The following ZP3 variants were observed in gnomAD, a reference collection of about 807,000 sequenced individuals.
ZP3 encodes the protein zona pellucida sperm-binding protein 3.
Under a neutral mutation model 35.6 loss-of-function variants are expected in ZP3, and 21 were observed. The observed-to-expected ratio is 0.59, with a 90% CI of 0.42 to 0.85. The LOEUF (loss-of-function observed/expected upper bound fraction) is 0.85. Among genes scored for constraint, ZP3 ranks in the 40% least tolerant of loss-of-function variants. The pLI is 0.00. For missense variants in ZP3, 437 were observed against 536.5 expected (o/e 0.81, Z 1.83); for synonymous variants, 207 against 214.5 (o/e 0.96, Z 0.31).
intron 3 of ZP3, 79 bp downstream of exon 3, chr7:76,433,109 T>TTTTA (rs1805879760): frequency 7.9e-7 from 1 of 1,258,012 alleles, no homozygotes; most frequent in Non-Finnish European, 1.1e-6. Context: ...TGTGTCTTTT[T>TTTTA]TTTGTTTGTT....
intron 1 of ZP3, among the ~76,000 whole-genome samples, chr7:76,398,364 C>T (rs541161159): frequency 9.1e-4 from 133 of 146,786 alleles, no homozygotes; most frequent in Non-Finnish European, 1.5e-3. Flanking sequence ...GGCTAGAGTA[C>T]AGTGGCATGA....
chr7:76,400,180 T>A (rs1178478726), intron 1 of ZP3: 1 of 1,257,540 alleles, frequency 8.0e-7, no homozygotes, highest in Non-Finnish European at 1.0e-6. Flanking sequence ...TGGCCTGATC[T>A]GCATGGAACA....
chr7:76,423,051 G>GAAAC (rs1213240924), upstream of ZP3, among the ~76,000 whole-genome samples: 5 of 145,064 alleles, frequency 3.4e-5, no homozygotes, highest in Middle Eastern at 3.6e-3. Flanking sequence ...AAGAAAGAAA[G>GAAAC]AAAGAAAGAA....
intron 1 of ZP3, chr7:76,401,072 C>T: frequency 6.5e-7 from 1 of 1,527,272 alleles, no homozygotes; most frequent in Non-Finnish European, 8.8e-7. Context: ...GAGCATTGGC[C>T]CCTCTGCCCA....
At chr7:76,402,100 C>T (rs986606570) in intron 1 of ZP3, among the ~76,000 whole-genome samples, 1 of 151,798 alleles carries the variant, frequency 6.6e-6, no homozygotes, top group Non-Finnish European at 1.5e-5. Flanking sequence ...GCTCACTGCA[C>T]CCTCCAATAC....
At chr7:76,418,993 C>T (rs1263841067) in intron 1 of ZP3, among the ~76,000 whole-genome samples, 2 of 152,036 alleles carry the variant, frequency 1.3e-5, no homozygotes, top group East Asian at 3.9e-4. Flanking sequence ...GGTTTGGTTC[C>T]TCATTGGCTG....
chr7:76,441,171 C>CAA (rs568113718), intron 7 of ZP3, among the ~76,000 whole-genome samples: 1 of 147,946 alleles, frequency 6.8e-6, no homozygotes, highest in Non-Finnish European at 1.5e-5. Context: ...AACTGTCTCT[C>CAA]AAAAAAAAAA....
chr7:76,419,783 C>T (rs1198291890), intron 1 of ZP3, among the ~76,000 whole-genome samples: 2 of 144,860 alleles, frequency 1.4e-5, no homozygotes, highest in Non-Finnish European at 3.0e-5. Flanking sequence ...CCTCCTCCTC[C>T]TCCTCCTCCC....
At position 76,412,962 on chromosome 7, in the gene ZP3, C is replaced by CTTTTTTT. The variant is rs201143080; in HGVS notation, c.-66-12088_-66-12087insTTTTTTT. On this transcript the variant is annotated intron_variant, in intron 1 of 8. Coordinates refer to the ZP3 transcript ENST00000336517. Reference sequence around the variant, plus strand: ...CTTTCTTCTTTGTCTTCTTCTTCTTCTTCTTTTTTTTTTTTTTTGAGACGG... The same window carrying CTTTTTTT: ...CTTTCTTCTTTGTCTTCTTCTTCTTCTTTTTTTTTCTTTTTTTTTTTTTTTGAGACGG... 1.4e-3 allele frequency among the ~76,000 whole-genome samples: 158 copies of CTTTTTTT among 113,710 alleles called. 4 individuals carry two copies. The highest frequency in any genetic ancestry group is 1.9e-3 in the Non-Finnish European group (114 of 58,478). The allele number at this position is 113,710 out of a possible 152,430, so 74.6% of individuals were successfully genotyped here. A position where few individuals can be genotyped will look rare whatever the true frequency, so the allele number is the denominator to read the frequency against.
At chr7:76,429,713 T>C in intron 2 of ZP3, 80 bp downstream of exon 2, 5 of 1,194,884 alleles carry the variant, frequency 4.2e-6, no homozygotes, top group Non-Finnish European at 6.2e-6. Flanking sequence ...GGCTATGGGC[T>C]ACAGCTTGCA....
chr7:76,400,697 G>C (rs994870662), intron 1 of ZP3: 1 of 1,253,372 alleles, frequency 8.0e-7, no homozygotes, highest in East Asian at 2.7e-5. Context: ...TGGTAGAGAC[G>C]GGGTCTCACT....
chr7:76,421,656 G>A (rs749538433), upstream of ZP3, among the ~76,000 whole-genome samples: 13 of 150,756 alleles, frequency 8.6e-5, no homozygotes, highest in East Asian at 5.8e-4. Context: ...GTGCAGTGGC[G>A]CAATCTCGGC....
At chr7:76,414,005 T>C (rs1255102330) in intron 1 of ZP3, among the ~76,000 whole-genome samples, 5 of 149,770 alleles carry the variant, frequency 3.3e-5, no homozygotes, top group Admixed American at 2.0e-4. Flanking sequence ...CTTCTTTTTT[T>C]TTTTTTTTTG....
At chr7:76,402,473 C>T (rs1804864353) in intron 1 of ZP3, among the ~76,000 whole-genome samples, 1 of 151,842 alleles carries the variant, frequency 6.6e-6, no homozygotes, top group Admixed American at 6.6e-5. Flanking sequence ...TGAGCCACCG[C>T]TCCTGGCCTA....
chr7:76,420,114 T>C (rs1056595456), upstream of ZP3, among the ~76,000 whole-genome samples: 5 of 151,360 alleles, frequency 3.3e-5, no homozygotes, highest in Non-Finnish European at 7.4e-5. Context: ...TTCTTTCTCT[T>C]CCTCCTCCCC....
chr7:76,430,503 A>G (rs746739790), intron 2 of ZP3, among the ~76,000 whole-genome samples: 33 of 152,156 alleles, frequency 2.2e-4, no homozygotes, highest in Admixed American at 7.2e-4. Flanking sequence ...TGGGAGGCCA[A>G]GGTGGGCAGC....
At chr7:76,432,860 C>A in intron 2 of ZP3, 67 bp from the exon 3 acceptor site, 1 of 1,379,858 alleles carries the variant, frequency 7.2e-7, no homozygotes, top group Admixed American at 1.8e-5. Context: ...TGAGATACTC[C>A]CCATCAGTGG....
At chr7:76,402,527 C>T (rs1346412731) in intron 1 of ZP3, among the ~76,000 whole-genome samples, 1 of 151,902 alleles carries the variant, frequency 6.6e-6, no homozygotes, top group Non-Finnish European at 1.5e-5. Flanking sequence ...CTTTGTTGCC[C>T]AGGCTGGTCT....
chr7:76,411,702 T>C (rs1333639182), intron 1 of ZP3, among the ~76,000 whole-genome samples: 1 of 152,140 alleles, frequency 6.6e-6, no homozygotes. Flanking sequence ...CTGATGGGAA[T>C]GTAAAATGGT....
Sources: allele counts gnomAD v4.1 joint callset (sites outside exome capture counted in the v4.1 genomes callset), GRCh38; gene constraint gnomAD v4.1.1; transcripts MANE v1.5; gene names NCBI Gene and HGNC (gene_info 2026-07-23, HGNC 2026-07-21).